The following NCAM1 variants were observed in gnomAD, a reference collection of about 807,000 sequenced individuals.
The protein encoded by NCAM1 is neural cell adhesion molecule 1.
A neutral mutation model predicts 109.8 loss-of-function variants in NCAM1; 14 were observed. The ratio of observed to expected loss-of-function variants is 0.13; its 90% confidence interval spans 0.08 to 0.20. The LOEUF is 0.20. Ranked by LOEUF, NCAM1 falls within the 10% of genes least tolerant of loss-of-function variation. The pLI is 1.00. For synonymous variants in NCAM1, 418 were observed against 442.9 expected, an observed-to-expected ratio of 0.94 and a Z score of 0.70; for missense variants, 774 against 1,109.9, an observed-to-expected ratio of 0.70 and a Z score of 4.30.
chr11:113,228,718 C>G (rs1944918982), intron 9 of NCAM1, among the ~76,000 whole-genome samples: 1 of 152,216 alleles, frequency 6.6e-6, no homozygotes, highest in Non-Finnish European at 1.5e-5. Flanking sequence ...CAGCATGGTA[C>G]TGGTACCAAA....
Position 113,039,422 on chromosome 11 carries a change from A to G in NCAM1, c.52+77758A>G, listed in dbSNP as rs1198273208. ...TGCTCCCAGGCAGTTTGATACCAGCAACTTACACTGTGTCGGTATGTTGCC... is the reference window on the plus strand; with the variant it reads ...TGCTCCCAGGCAGTTTGATACCAGCGACTTACACTGTGTCGGTATGTTGCC... On this transcript the variant is annotated intron_variant, in intron 1 of 19. Coordinates refer to ENST00000316851, the MANE Select transcript of NCAM1 (RefSeq NM_181351.5). 3.9e-5 allele frequency among the ~76,000 whole-genome samples: 6 copies of G among 152,366 alleles called. No homozygotes were observed. The East Asian group carries it at 1.2e-3, about 29-fold the overall frequency.
At chr11:113,152,633 A>G (rs540474664) in intron 1 of NCAM1, among the ~76,000 whole-genome samples, 1 of 152,360 alleles carries the variant, frequency 6.6e-6, no homozygotes, top group African/African-American at 2.4e-5. Context: ...ATATAGGAAC[A>G]TGGAGCATTT....
At chr11:113,048,476 G>A (rs1953347647) in intron 1 of NCAM1, among the ~76,000 whole-genome samples, 1 of 152,200 alleles carries the variant, frequency 6.6e-6, no homozygotes, top group Non-Finnish European at 1.5e-5. Context: ...TTACTGAAGA[G>A]CAAGGACTTC....
At chr11:113,029,014 G>A (rs1173686315) in intron 1 of NCAM1, among the ~76,000 whole-genome samples, 4 of 152,280 alleles carry the variant, frequency 2.6e-5, no homozygotes, top group African/African-American at 9.6e-5. Flanking sequence ...CCCAGCTGAC[G>A]TTGCTCCTTT....
At chr11:113,020,258 A>G (rs934881519) in intron 1 of NCAM1, among the ~76,000 whole-genome samples, 27 of 152,134 alleles carry the variant, frequency 1.8e-4, no homozygotes, top group African/African-American at 6.3e-4. Flanking sequence ...TTTGCTTTCT[A>G]TCCTTGAATA....
At chr11:112,965,718 T>C (rs1352583918) in intron 1 of NCAM1, among the ~76,000 whole-genome samples, 3 of 152,230 alleles carry the variant, frequency 2.0e-5, no homozygotes, top group African/African-American at 7.2e-5. Flanking sequence ...TAATTTTGTC[T>C]TTAGTATTAA....
intron 1 of NCAM1, among the ~76,000 whole-genome samples, chr11:113,157,146 C>CAA (rs1288157737): frequency 2.6e-5 from 4 of 151,836 alleles, no homozygotes; most frequent in African/African-American, 7.3e-5. Context: ...GACACACACA[C>CAA]ACACACACAC....
intron 1 of NCAM1, among the ~76,000 whole-genome samples, chr11:113,183,635 G>A (rs1230072413): frequency 2.6e-5 from 4 of 152,028 alleles, no homozygotes; most frequent in South Asian, 2.1e-4. Flanking sequence ...GAGGCATCTC[G>A]AAAATATTGT....
intron 1 of NCAM1, among the ~76,000 whole-genome samples, chr11:113,069,647 A>G (rs1351438828): frequency 2.0e-5 from 3 of 152,202 alleles, no homozygotes; most frequent in Non-Finnish European, 4.4e-5. Flanking sequence ...TTAAAAACTC[A>G]AGCAACATTG....
intron 1 of NCAM1, among the ~76,000 whole-genome samples, chr11:113,096,847 A>G (rs1555090539): frequency 2.0e-5 from 3 of 151,442 alleles, no homozygotes; most frequent in African/African-American, 7.3e-5. Flanking sequence ...CCCCAGATAC[A>G]CCCTCATGCT....
chr11:113,037,588 G>T (rs1222478357), intron 1 of NCAM1, among the ~76,000 whole-genome samples: 2 of 152,192 alleles, frequency 1.3e-5, no homozygotes, highest in Non-Finnish European at 2.9e-5. Flanking sequence ...AGCATCTGCT[G>T]GTTTGGATTG....
chr11:113,262,193 G>T (rs1291100428), intron 17 of NCAM1, among the ~76,000 whole-genome samples: 2 of 152,192 alleles, frequency 1.3e-5, no homozygotes, highest in African/African-American at 4.8e-5. Context: ...GGTGAAGCGG[G>T]GTACAGAATG....
chr11:112,970,528 T>C (rs1307293732), intron 1 of NCAM1, among the ~76,000 whole-genome samples: 5 of 152,168 alleles, frequency 3.3e-5, no homozygotes, highest in Non-Finnish European at 7.4e-5. Context: ...TGGGCTTAGA[T>C]TCGAAAGATC....
chr11:113,183,852 T>C (rs1943405731), intron 1 of NCAM1, among the ~76,000 whole-genome samples: 1 of 152,240 alleles, frequency 6.6e-6, no homozygotes, highest in African/African-American at 2.4e-5. Context: ...CACTTCTGTG[T>C]CATTTGACTT....
intron 1 of NCAM1, among the ~76,000 whole-genome samples, chr11:112,974,429 T>C (rs1216528020): frequency 2.0e-5 from 3 of 152,004 alleles, no homozygotes; most frequent in Admixed American, 2.0e-4. Context: ...GTGTGGGATG[T>C]CACACACTGA....
intron 1 of NCAM1, among the ~76,000 whole-genome samples, chr11:113,048,861 G>C (rs1177202098): frequency 1.3e-5 from 2 of 152,162 alleles, no homozygotes; most frequent in Non-Finnish European, 2.9e-5. Flanking sequence ...TACTAGCTTA[G>C]TACCAACTCC....
intron 1 of NCAM1, among the ~76,000 whole-genome samples, chr11:113,094,112 A>G (rs1451353119): frequency 9.8e-5 from 15 of 152,294 alleles, no homozygotes; most frequent in African/African-American, 3.6e-4. Flanking sequence ...GACAGTTAAG[A>G]CGGCAGCTGC....
intron 1 of NCAM1, 77 bp downstream of exon 1, chr11:112,961,741 T>A (rs1377355821): frequency 1.0e-6 from 1 of 967,470 alleles, no homozygotes; most frequent in African/African-American, 1.7e-5. Context: ...GGAACGCTAT[T>A]ATTTTGGGTG....
intron 17 of NCAM1, among the ~76,000 whole-genome samples, chr11:113,267,403 A>G (rs928029377): frequency 1.3e-5 from 2 of 151,822 alleles, no homozygotes; most frequent in Non-Finnish European, 2.9e-5. Context: ...GGCTAGCAGC[A>G]TGGTAGGTAT....
Sources: gnomAD v4.1 joint callset for allele counts (sites outside exome capture counted in the v4.1 genomes callset) on GRCh38, gnomAD v4.1.1 for gene constraint, MANE v1.5 for transcripts, NCBI Gene and HGNC (gene_info 2026-07-23, HGNC 2026-07-21) for gene names.